Variants in TRPM3 observed in about 807,000 individuals in gnomAD.
The protein encoded by TRPM3 is transient receptor potential cation channel subfamily M member 3.
In TRPM3, 77 loss-of-function variants were observed where a neutral mutation model predicts 181.2. The observed-to-expected ratio is 0.42, with a 90% confidence interval of 0.35 to 0.51. The LOEUF (loss-of-function observed/expected upper bound fraction) is 0.51. Ranked by LOEUF, TRPM3 falls within the 20% of genes least tolerant of loss-of-function variation. The probability of loss-of-function intolerance (pLI) is 0.01; values close to 1 mark genes in which losing one functional copy is unlikely to be tolerated. For missense variants in TRPM3, 1,759 were observed against 2,196.7 expected (o/e 0.80, Z 3.98); for synonymous variants, 745 against 796.4 (o/e 0.94, Z 1.09).
chr9:70,869,127 T>C, intron 1 of TRPM3: 2 of 896,540 alleles, frequency 2.2e-6, no homozygotes, highest in Non-Finnish European at 2.7e-6. Flanking sequence ...CTTGTTCGGC[T>C]CTTCCCCCAA....
chr9:71,179,947 G>A (rs1315196804), intron 1 of TRPM3, among the ~76,000 whole-genome samples: 45 of 151,946 alleles, frequency 3.0e-4, no homozygotes, highest in Non-Finnish European at 8.8e-5. Context: ...ATCACTGGAG[G>A]AAACTGCTTA....
At chr9:71,218,468 A>G (rs1469708727) in intron 1 of TRPM3, among the ~76,000 whole-genome samples, 1 of 152,240 alleles carries the variant, frequency 6.6e-6, no homozygotes, top group Non-Finnish European at 1.5e-5. Flanking sequence ...CAGCAGTGTC[A>G]AGATTTGAAC....
intron 9 of TRPM3, among the ~76,000 whole-genome samples, chr9:70,670,538 A>G (rs2134063560): frequency 6.6e-6 from 1 of 152,332 alleles, no homozygotes; most frequent in Admixed American, 6.5e-5. Context: ...CATGTGCTTA[A>G]CCACTTTCTA....
At chr9:71,256,014 T>C (rs975726658) in intron 1 of TRPM3, among the ~76,000 whole-genome samples, 1 of 152,208 alleles carries the variant, frequency 6.6e-6, no homozygotes, top group Admixed American at 6.5e-5. Context: ...TTCCAAGATC[T>C]GAGATGTGAC....
intron 8 of TRPM3, among the ~76,000 whole-genome samples, chr9:70,760,487 G>C (rs141250278): frequency 6.7e-6 from 1 of 149,562 alleles, no homozygotes; most frequent in African/African-American, 2.5e-5. Context: ...AGCCATGACC[G>C]TGTGCCCCAC....
chr9:70,850,797 A>T (rs2095196941), intron 3 of TRPM3, among the ~76,000 whole-genome samples: 1 of 152,238 alleles, frequency 6.6e-6, no homozygotes, highest in Non-Finnish European at 1.5e-5. Context: ...CAAACTATAC[A>T]AACCAAGAAT....
intron 9 of TRPM3, among the ~76,000 whole-genome samples, chr9:70,655,098 G>A (rs2060119796): frequency 6.6e-6 from 1 of 150,524 alleles, no homozygotes; most frequent in Non-Finnish European, 1.5e-5. Flanking sequence ...ACAAGGTCAG[G>A]AGTTCGAGAC....
chr9:71,409,390 C>A (rs1300698638), intron 1 of TRPM3, among the ~76,000 whole-genome samples: 3 of 151,940 alleles, frequency 2.0e-5, no homozygotes, highest in Non-Finnish European at 4.4e-5. Flanking sequence ...CACACATAGG[C>A]TCAAAATAAA....
chr9:70,754,042 C>G (rs778977760), intron 8 of TRPM3, among the ~76,000 whole-genome samples: 3 of 152,144 alleles, frequency 2.0e-5, no homozygotes, highest in South Asian at 2.1e-4. Flanking sequence ...TCCAGGGTAT[C>G]AAAAGCAAAT....
chr9:71,354,392 G>A (rs1484349521), intron 1 of TRPM3, among the ~76,000 whole-genome samples: 1 of 152,098 alleles, frequency 6.6e-6, no homozygotes, highest in African/African-American at 2.4e-5. Flanking sequence ...CACTCATTAG[G>A]TACACGACTC....
chr9:70,682,409 T>G (rs2065701987), intron 8 of TRPM3, among the ~76,000 whole-genome samples: 1 of 152,136 alleles, frequency 6.6e-6, no homozygotes, highest in African/African-American at 2.4e-5. Context: ...TCCTAAATTG[T>G]ACAGGACAGC....
Position 70,536,479 on chromosome 9 carries a change from G to T in TRPM3, c.4634C>A (p.Ala1545Asp), listed in dbSNP as rs1445252285. Reference protein sequence around the residue: ...FMFSPSRSYYANFGVPVKTAE... With the variant: ...FMFSPSRSYYDNFGVPVKTAE... The stretch of plus-strand genomic sequence containing the variant: ...TGTTTTTACAGGCACCCCAAAGTTG[G>T]CATAATAGCTCCTTGAGGGGGAAAA... The change falls in exon 26 of 26, where the codon GCC becomes GAC. Residue 1545 changes from alanine (A) to aspartate (D), a missense_variant. Ala to Asp is a moderately radical substitution (Grantham distance 126). Coordinates refer to ENST00000677713, the MANE Select transcript of TRPM3 (RefSeq NM_001366145.2). 1.9e-6 allele frequency: 3 copies of T among 1,614,130 alleles called. No homozygotes were observed. The highest frequency in any genetic ancestry group is 1.7e-5 in the Admixed American group (1 of 60,016).
intron 1 of TRPM3, among the ~76,000 whole-genome samples, chr9:71,100,409 G>A (rs2055975849): frequency 6.6e-6 from 1 of 152,088 alleles, no homozygotes; most frequent in African/African-American, 2.4e-5. Context: ...GGAAGTGACA[G>A]CCTCTGGAGG....
chr9:70,785,294 G>C (rs2083368546), intron 6 of TRPM3, among the ~76,000 whole-genome samples: 1 of 152,176 alleles, frequency 6.6e-6, no homozygotes, highest in South Asian at 2.1e-4. Flanking sequence ...ACCTTAAAGA[G>C]AAGTAATAAA....
chr9:71,265,146 GA>G (rs1252030559), intron 1 of TRPM3, among the ~76,000 whole-genome samples: 4 of 151,892 alleles, frequency 2.6e-5, no homozygotes, highest in Non-Finnish European at 5.9e-5. Context: ...ATGATGCAAA[GA>G]AAAAACATAA....
At chr9:71,397,005 G>A (rs1429704582) in intron 1 of TRPM3, among the ~76,000 whole-genome samples, 1 of 151,590 alleles carries the variant, frequency 6.6e-6, no homozygotes, top group African/African-American at 2.4e-5. Flanking sequence ...TACAGTGGAA[G>A]GAAAACATGC....
chr9:71,393,290 A>G (rs2093108157), intron 1 of TRPM3, among the ~76,000 whole-genome samples: 1 of 152,184 alleles, frequency 6.6e-6, no homozygotes, highest in Non-Finnish European at 1.5e-5. Flanking sequence ...ATTTCTACAG[A>G]TTTTGAATAG....
At chr9:70,940,401 G>T (rs992958286) in intron 1 of TRPM3, among the ~76,000 whole-genome samples, 1 of 152,184 alleles carries the variant, frequency 6.6e-6, no homozygotes, top group African/African-American at 2.4e-5. Context: ...ATATAAGGAC[G>T]GCATGAATGC....
In TRPM3 at chr9:70,618,882, C is replaced by T; in HGVS notation, c.2343G>A (p.Lys781=). The T allele has an allele frequency of 2.5e-6, 4 of 1,606,788 alleles. No individual in the cohort carries two copies. The highest frequency in any genetic ancestry group is 1.1e-5 in the South Asian group (1 of 91,070). The change falls in exon 17 of 26, where the codon AAG becomes AAA. Residue 781 remains lysine (K), a synonymous_variant. Coordinates refer to ENST00000677713, the MANE Select transcript of TRPM3 (RefSeq NM_001366145.2). ...GCGCCCTGACCTTGAGGCCTGAGTT[C>T]TTGCGCATGCGGAGCCGGCCCATCC... ...DMWMGRLRMR[K]NSGLKVILGI...
Sources: allele counts gnomAD v4.1 joint callset (sites outside exome capture counted in the v4.1 genomes callset), GRCh38; gene constraint gnomAD v4.1.1; transcripts MANE v1.5; gene names NCBI Gene and HGNC (gene_info 2026-07-23, HGNC 2026-07-21).